ZC3H18: variants seen among roughly 807,000 people sequenced by gnomAD.
ZC3H18 encodes zinc finger CCCH-type containing 18, also known as zinc finger CCCH domain-containing protein 18.
Under a neutral mutation model 106.1 loss-of-function variants are expected in ZC3H18, and 8 were observed. The observed-to-expected ratio is 0.08, with a 90% CI of 0.04 to 0.14. The LOEUF (loss-of-function observed/expected upper bound fraction) is 0.14. Ranked by LOEUF, ZC3H18 falls within the 10% of genes least tolerant of loss-of-function variation. ZC3H18 has a pLI of 1.00. For synonymous variants in ZC3H18, 635 were observed against 522.1 expected, an observed-to-expected ratio of 1.22 and a Z score of -2.95; for missense variants, 1,318 against 1,278.4, an observed-to-expected ratio of 1.03 and a Z score of -0.47.
intron 8 of ZC3H18, among the ~76,000 whole-genome samples, chr16:88,619,814 A>G (rs941510546): frequency 6.6e-6 from 1 of 152,012 alleles, no homozygotes; most frequent in African/African-American, 2.4e-5. Flanking sequence ...CCTGTGTTGG[A>G]AGGGCCGCGC....
chr16:88,621,910 TTAAG>T (rs1905988752), intron 8 of ZC3H18, among the ~76,000 whole-genome samples: 1 of 152,086 alleles, frequency 6.6e-6, no homozygotes, highest in South Asian at 2.1e-4. Context: ...AAGATGGAAA[TTAAG>T]TAAGTAATGA....
At chr16:88,584,781 C>T (rs537926938) in intron 2 of ZC3H18, among the ~76,000 whole-genome samples, 47 of 152,262 alleles carry the variant, frequency 3.1e-4, no homozygotes, top group African/African-American at 1.1e-3. Flanking sequence ...TCCTTTTTTG[C>T]TTCTGTGAAT....
intron 2 of ZC3H18, among the ~76,000 whole-genome samples, chr16:88,583,198 G>A (rs558924377): frequency 6.6e-6 from 1 of 152,302 alleles, no homozygotes; most frequent in South Asian, 2.1e-4. Context: ...CTTTTTTCTT[G>A]TTGTGTAAGT....
intron 8 of ZC3H18, 112 bp from the exon 9 acceptor site, chr16:88,622,085 A>AT: frequency 3.1e-6 from 4 of 1,275,808 alleles, no homozygotes; most frequent in Non-Finnish European, 4.3e-6. Context: ...TTCTCAGGTG[A>AT]TCCTTAAATA....
At chr16:88,618,614 C>T (rs1905767504) in intron 8 of ZC3H18, among the ~76,000 whole-genome samples, 1 of 152,172 alleles carries the variant, frequency 6.6e-6, no homozygotes, top group African/African-American at 2.4e-5. Context: ...AGTGTGCCAG[C>T]CTCGGGCCCT....
At chr16:88,622,725 G>A (rs927201005) in intron 9 of ZC3H18, 9 of 320,206 alleles carry the variant, frequency 2.8e-5, no homozygotes, top group African/African-American at 1.9e-4. Context: ...TGTTCCTCCA[G>A]ACTGGACCTG....
At chr16:88,598,840 G>C in intron 5 of ZC3H18, 128 bp downstream of exon 5, 2 of 753,462 alleles carry the variant, frequency 2.7e-6, no homozygotes, top group South Asian at 4.4e-5. Context: ...CTGTTTCTGT[G>C]GTGTCTTTCT....
At chr16:88,572,909 C>T (rs1914501910) in intron 1 of ZC3H18, among the ~76,000 whole-genome samples, 1 of 151,960 alleles carries the variant, frequency 6.6e-6, no homozygotes. Context: ...AGGCACGTGC[C>T]ACCATGCCCA....
intron 2 of ZC3H18, among the ~76,000 whole-genome samples, chr16:88,581,414 G>C (rs1469350794): frequency 2.0e-5 from 3 of 152,178 alleles, no homozygotes; most frequent in Admixed American, 2.0e-4. Flanking sequence ...ACATCAATTT[G>C]TACAATAAGC....
chr16:88,627,686 A>C lies in ZC3H18; in HGVS notation c.2173A>C (p.Ser725Arg). ...TACGTCGAGCAGCAGCTCTGCACAC[A>C]GCGTGGACTCGGAGGACATGTACGC... is the stretch of plus-strand genomic sequence containing the variant. ...SATSSSSSAH[S>R]VDSEDMYADL... Residue 725 changes from serine to arginine, a missense_variant, in exon 14 of 18, where the codon AGC becomes CGC. Ser to Arg is a moderately radical substitution (Grantham distance 110). Transcript: ENST00000301011. The surrounding 1 kb of genome is among the most constrained non-coding windows in gnomAD (Gnocchi z 4.5). 1 of 1,613,808 alleles carries C rather than the reference A, an allele frequency of 6.2e-7. No individual in the cohort carries two copies. Among genetic ancestry groups the C allele is most frequent in the Non-Finnish European group, 8.5e-7 (1 of 1,179,822 alleles).
At chr16:88,625,487 G>C in intron 13 of ZC3H18, 2 of 594,620 alleles carry the variant, frequency 3.4e-6, no homozygotes, top group African/African-American at 1.9e-5. Flanking sequence ...ACCAAAAAAA[G>C]ATTCACAAAC....
At position 88,631,573 on chromosome 16, in the gene ZC3H18, G is replaced by C. The variant is rs1906694362; in HGVS notation, c.*274G>C. The C allele has an allele frequency of 3.7e-6, 2 of 544,070 alleles. No homozygotes were observed. Among genetic ancestry groups the C allele is most frequent in the Non-Finnish European group, 7.0e-6 (2 of 285,988 alleles). The allele number at this position is 544,070 out of a possible 1,614,324, so 33.7% of individuals were successfully genotyped here. ...TGTAAATTACAAGCCCCAGCCGCCA[G>C]CCCCGCCTTCTCTTCCTCCTCCTCC... On this transcript the variant is annotated 3_prime_UTR_variant, in exon 18 of 18. Coordinates refer to ENST00000301011, the MANE Select transcript of ZC3H18 (RefSeq NM_144604.4).
intron 6 of ZC3H18, among the ~76,000 whole-genome samples, chr16:88,603,504 T>C (rs1904854789): frequency 1.3e-5 from 2 of 151,026 alleles, no homozygotes; most frequent in African/African-American, 2.4e-5. Context: ...GCACCTGTAA[T>C]CCCAGCTACT....
chr16:88,577,913 G>C (rs1486961894), intron 2 of ZC3H18, among the ~76,000 whole-genome samples, 187 bp downstream of exon 2: 1 of 152,232 alleles, frequency 6.6e-6, no homozygotes, highest in Non-Finnish European at 1.5e-5. Context: ...CAGAAATCGA[G>C]AATGAGCAGA....
intron 10 of ZC3H18, 94 bp downstream of exon 10, chr16:88,623,438 G>C: frequency 1.3e-6 from 2 of 1,521,356 alleles, no homozygotes; most frequent in Non-Finnish European, 1.8e-6. Flanking sequence ...GTAGCCCCTT[G>C]GGGTATTGAA....
intron 3 of ZC3H18, 144 bp downstream of exon 3, chr16:88,586,828 TG>T: frequency 3.5e-6 from 2 of 577,260 alleles, no homozygotes; most frequent in Middle Eastern, 8.3e-4. Flanking sequence ...GTGGTGGTGG[TG>T]GTGGTGGTGG....
At chr16:88,576,123 A>T (rs968428568) in intron 1 of ZC3H18, among the ~76,000 whole-genome samples, 1 of 151,990 alleles carries the variant, frequency 6.6e-6, no homozygotes, top group African/African-American at 2.4e-5. Flanking sequence ...GATGGTCTCG[A>T]TCTCCTGACC....
chr16:88,588,176 T>C (rs1915546257), intron 3 of ZC3H18, among the ~76,000 whole-genome samples: 1 of 152,200 alleles, frequency 6.6e-6, no homozygotes, highest in Admixed American at 6.5e-5. Flanking sequence ...CTCTTTTCCA[T>C]AATAGTGTGG....
At chr16:88,615,182 G>T (rs1445675945) in intron 8 of ZC3H18, among the ~76,000 whole-genome samples, 1 of 119,948 alleles carries the variant, frequency 8.3e-6, no homozygotes, top group Admixed American at 9.5e-5. Flanking sequence ...TTGACAGGCT[G>T]CCCCCACCTC....
Sources: gnomAD v4.1 joint callset for allele counts (sites outside exome capture counted in the v4.1 genomes callset) on GRCh38, gnomAD v4.1.1 for gene constraint, Gnocchi (gnomAD v3.1) non-coding constraint, MANE v1.5 for transcripts, NCBI Gene and HGNC (gene_info 2026-07-23, HGNC 2026-07-21) for gene names.